NAGPA: variants seen among roughly 807,000 people sequenced by gnomAD.
The protein encoded by NAGPA is N-acetylglucosamine-1-phosphodiester alpha-N-acetylglucosaminidase.
In NAGPA, 56 loss-of-function variants were observed where a neutral mutation model predicts 48.5. The observed-to-expected ratio is 1.15, with a 90% CI of 0.93 to 1.44. NAGPA has a LOEUF of 1.44. Ranked by LOEUF, NAGPA falls within the 40% of genes most tolerant of loss-of-function variation. The pLI is 0.00. For synonymous variants in NAGPA, 399 were observed against 315.5 expected (o/e 1.26, Z -2.81); for missense variants, 888 against 735.0 (o/e 1.21, Z -2.41).
chr16:5,028,421 TA>T, intron 5 of NAGPA: 1 of 829,148 alleles, frequency 1.2e-6, no homozygotes. Context: ...TATTTTTTCA[TA>T]AAGACAGGGT....
At chr16:5,027,058 G>T in intron 9 of NAGPA, 77 bp downstream of exon 9, 2 of 1,546,094 alleles carry the variant, frequency 1.3e-6, no homozygotes, top group Non-Finnish European at 8.9e-7. Context: ...GGGCAGAGAT[G>T]GACCTCACAG....
intron 4 of NAGPA, 189 bp downstream of exon 4, chr16:5,030,196 G>C (rs1184575748): frequency 1.6e-6 from 1 of 631,310 alleles, no homozygotes; most frequent in Non-Finnish European, 2.8e-6. Flanking sequence ...TGAAGATGAT[G>C]AGTTCTTGGA....
rs776555499 is a variant in NAGPA at position 5,025,499 on chromosome 16, G to A, written c.1527C>T (p.Ala509=). ...GGCTTCAGTCCTTGAAGGGGTTGTG[G>A]GCGCCCCCTGGCTGCTCCTTCTCTG... ...LAAEKEQPGG[A]HNPFKD Residue 509 remains alanine (A), a synonymous_variant, in exon 10 of 10, where the codon GCC becomes GCT. Coordinates refer to ENST00000312251, the MANE Select transcript of NAGPA (RefSeq NM_016256.4). 6.2e-7 allele frequency: 1 copy of A among 1,612,278 alleles called. No individual in the cohort carries two copies. Among genetic ancestry groups the A allele is most frequent in the South Asian group, 1.1e-5 (1 of 91,012 alleles).
intron 3 of NAGPA, 139 bp downstream of exon 3, chr16:5,031,606 C>T: frequency 1.8e-6 from 2 of 1,132,990 alleles, no homozygotes; most frequent in East Asian, 2.4e-5. Context: ...ATCTTCCTCC[C>T]CATGAATCCC....
intron 3 of NAGPA, 68 bp from the exon 4 acceptor site, chr16:5,030,561 T>C: frequency 1.6e-6 from 2 of 1,276,096 alleles, no homozygotes; most frequent in African/African-American, 3.0e-5. Context: ...CTAACTCCAC[T>C]TCCCACTGGT....
chr16:5,030,619 G>C lies in NAGPA; in HGVS notation c.683-126C>G, dbSNP rs945036236. On this transcript the variant is annotated intron_variant, in intron 3 of 9. Coordinates refer to ENST00000312251, the MANE Select transcript of NAGPA (RefSeq NM_016256.4). ...GGGAAGCACAGCAGCCTCCTTGCTCGTCTCCCTGCCTCCCCTCTGCACATC... is the reference window on the plus strand; with the variant it reads ...GGGAAGCACAGCAGCCTCCTTGCTCCTCTCCCTGCCTCCCCTCTGCACATC... The C allele has an allele frequency of 1.5e-5, 12 of 800,306 alleles. No homozygotes were observed. The South Asian group carries it at 1.6e-4, about 11-fold the overall frequency. 49.6% of individuals were successfully genotyped at this position (800,306 alleles called of 1,614,324 possible).
chr16:5,027,642 G>A (rs962858902), intron 7 of NAGPA, among the ~76,000 whole-genome samples: 7 of 152,186 alleles, frequency 4.6e-5, no homozygotes, highest in Admixed American at 3.9e-4. Context: ...AGAGCCCGGG[G>A]ACCCTTGTTT....
chr16:5,033,694 G>A lies in NAGPA; in HGVS notation c.121C>T (p.Pro41Ser), dbSNP rs567399771. Residue 41 changes from proline (P) to serine (S), a missense_variant, in exon 2 of 10, where the codon CCA becomes TCA. Coordinates refer to ENST00000312251, the MANE Select transcript of NAGPA (RefSeq NM_016256.4). The surrounding 1 kb of genome is among the most constrained non-coding windows in gnomAD (Gnocchi z 4.2). The part of the protein sequence containing the change: ...SRDDDLLLPY[P>S]RARARLPRDC... ...CGGGGGAGGCGCGCGCGCGCGCGTG[G>A]ATAGGGCAGTAGCAAGTCGTCGTCG... The A allele has an allele frequency of 5.0e-6, 8 of 1,600,322 alleles. No individual in the cohort carries two copies. In the South Asian group the frequency reaches 7.7e-5, roughly 15 times the overall value.
intron 4 of NAGPA, chr16:5,030,085 C>T (rs3743841): frequency 0.33 from 172,492 of 518,026 alleles, 30,376 homozygotes; most frequent in East Asian, 0.47. Context: ...GACAAGTCAT[C>T]GATGGCTAAG....
chr16:5,033,907 G>A lies in NAGPA; in HGVS notation c.8C>T (p.Thr3Ile), dbSNP rs769231389. The part of the protein sequence containing the change: MA[T>I]STGRWLLLRL... ...GAGGAGAAGCCAGCGACCCGTGGAG[G>A]TCGCCATATTGGACCGGGGCCTCGG... Residue 3 changes from threonine (T) to isoleucine (I), a missense_variant, in exon 1 of 10, where the codon ACC becomes ATC. By Grantham distance (89) the Thr-to-Ile change is moderately conservative. Coordinates refer to ENST00000312251, the MANE Select transcript of NAGPA (RefSeq NM_016256.4). This position sits in a 1 kb window ranked among gnomAD's most constrained non-coding sequence, Gnocchi z 4.2. The A allele has an allele frequency of 2.3e-5, 36 of 1,549,152 alleles. No homozygotes were observed. The South Asian group carries it at 2.4e-4, about 10-fold the overall frequency.
At chr16:5,031,444 T>C (rs1956094739) in intron 3 of NAGPA, 1 of 394,012 alleles carries the variant, frequency 2.5e-6, no homozygotes, top group African/African-American at 2.1e-5. Context: ...TCCATGAAGA[T>C]TTTTTTCTCT....
At position 5,033,520 on chromosome 16, in the gene NAGPA, C is replaced by T; in HGVS notation, c.295G>A (p.Glu99Lys). Residue 99 changes from glutamate to lysine, a missense_variant, in exon 2 of 10, where the codon GAG (glutamate) becomes AAG (lysine). Coordinates refer to ENST00000312251, the MANE Select transcript of NAGPA (RefSeq NM_016256.4). The surrounding 1 kb of genome is among the most constrained non-coding windows in gnomAD (Gnocchi z 4.2). ...AGCACCGAGAAGGTGCGCAGGGGCTCAACGGCCCGCGTCAGGTGGCCGGCC... is the reference window on the plus strand; with the variant it reads ...AGCACCGAGAAGGTGCGCAGGGGCTTAACGGCCCGCGTCAGGTGGCCGGCC... ...AVAGHLTRAV[E>K]PLRTFSVLEP... 1 of 1,524,164 alleles carries T rather than the reference C, an allele frequency of 6.6e-7. No homozygotes were observed. The allele number at this position is 1,524,164 out of a possible 1,614,324, so 94.4% of individuals were successfully genotyped here.
intron 4 of NAGPA, 52 bp downstream of exon 4, chr16:5,030,333 C>T: frequency 1.3e-6 from 2 of 1,494,500 alleles, no homozygotes. Context: ...GGTCAACGTT[C>T]CTCCTAGCAG....
In NAGPA at chr16:5,027,926, G is replaced by A. The variant is rs577367948; in HGVS notation, c.1127-33C>T. 7 of 1,612,538 alleles carry A rather than the reference G, an allele frequency of 4.3e-6. No homozygotes were observed. In the African/African-American group the frequency reaches 5.3e-5, roughly 12 times the overall value. On this transcript the variant is annotated intron_variant, in intron 6 of 9. Transcript: ENST00000312251. ...GACAAGACCGGGGAGGCCAGGTGAG[G>A]GCCTAGGGCAAGGCAGGGCTGGGCA...
rs1956132146 is a variant in NAGPA, at chr16:5,033,151, C to G, written c.542+122G>C. On this transcript the variant is annotated intron_variant, in intron 2 of 9. Coordinates refer to ENST00000312251, the MANE Select transcript of NAGPA (RefSeq NM_016256.4). The surrounding 1 kb of genome is among the most constrained non-coding windows in gnomAD (Gnocchi z 4.2). ...CTCTGCAAGGAAGCGATTCCTATCCCCATTCTGCAGAGGAGGAAACAGGGG... is the reference window on the plus strand; with the variant it reads ...CTCTGCAAGGAAGCGATTCCTATCCGCATTCTGCAGAGGAGGAAACAGGGG... 4.3e-6 allele frequency: 5 copies of G among 1,152,408 alleles called. No individual in the cohort carries two copies. The highest frequency in any genetic ancestry group is 6.2e-6 in the Non-Finnish European group (5 of 803,782). 71.4% of individuals were successfully genotyped at this position (1,152,408 alleles called of 1,614,324 possible).
At position 5,028,125 on chromosome 16, in the gene NAGPA, G is replaced by C; in HGVS notation, c.981C>G (p.Pro327=). The C allele has an allele frequency of 6.2e-7, 1 of 1,602,940 alleles. No homozygotes were observed. The highest frequency in any genetic ancestry group is 8.5e-7 in the Non-Finnish European group (1 of 1,174,902). ...QVSTVVCVHE[P]RCQPPDCHGH... ...CGTGGCAGTCAGGCGGCTGGCAGCG[G>C]GGTTCGTGCACACACACCACGGTGG... is the stretch of plus-strand genomic sequence containing the variant. Residue 327 remains proline (P), a synonymous_variant, in exon 6 of 10, where the codon CCC becomes CCG. Coordinates refer to ENST00000312251, the MANE Select transcript of NAGPA (RefSeq NM_016256.4).
Position 5,033,173 on chromosome 16 carries a change from G to A in NAGPA, c.542+100C>T, listed in dbSNP as rs1334123313. On this transcript the variant is annotated intron_variant, in intron 2 of 9. Coordinates refer to ENST00000312251, the MANE Select transcript of NAGPA (RefSeq NM_016256.4). The surrounding 1 kb of genome is among the most constrained non-coding windows in gnomAD (Gnocchi z 4.2). ...TCCCCATTCTGCAGAGGAGGAAACA[G>A]GGGCTCAGCTTGGTTAAGTGACTTG... The A allele has an allele frequency of 1.5e-6, 2 of 1,366,840 alleles. No individual in the cohort carries two copies. The highest frequency in any genetic ancestry group is 2.9e-5 in the African/African-American group (2 of 69,748). The allele number at this position is 1,366,840 out of a possible 1,614,324, so 84.7% of individuals were successfully genotyped here.
intron 5 of NAGPA, chr16:5,028,421 T>C (rs1041648925): frequency 4.8e-6 from 4 of 829,146 alleles, no homozygotes; most frequent in Non-Finnish European, 7.9e-6. Flanking sequence ...TATTTTTTCA[T>C]AAAGACAGGG....
chr16:5,025,675 G>T lies in NAGPA; in HGVS notation c.1351C>A (p.Leu451Ile). 1 of 1,608,022 alleles carries T rather than the reference G, an allele frequency of 6.2e-7. No homozygotes were observed. Among genetic ancestry groups the T allele is most frequent in the Non-Finnish European group, 8.5e-7 (1 of 1,177,362 alleles). Residue 451 changes from leucine to isoleucine, a missense_variant, in exon 10 of 10, where the codon CTA (leucine) becomes ATA (isoleucine). Leu to Ile is a conservative substitution (Grantham distance 5). Coordinates refer to ENST00000312251, the MANE Select transcript of NAGPA (RefSeq NM_016256.4). ...AAGGCCAGCGCCAGGGTGAGGGCTA[G>T]CCAGGCGGTCCTGCAGACAGGAGAG... ...ELSFFTRTAW[L>I]ALTLALAFLL... is the part of the protein sequence containing the mutation.
Sources: allele counts gnomAD v4.1 joint callset (sites outside exome capture counted in the v4.1 genomes callset), GRCh38; gene constraint gnomAD v4.1.1; non-coding constraint Gnocchi (gnomAD v3.1); transcripts MANE v1.5; gene names NCBI Gene and HGNC (gene_info 2026-07-23, HGNC 2026-07-21).